The following PCDHGA6 variants were observed in gnomAD, a reference collection of about 807,000 sequenced individuals.
PCDHGA6 encodes protocadherin gamma subfamily A, 6.
PCDHGA6 carries 41 observed loss-of-function variants against 60.6 expected under a neutral mutation model. The observed-to-expected ratio is 0.68, with a 90% CI of 0.53 to 0.88. PCDHGA6 has a LOEUF of 0.88. PCDHGA6 is among the 40% of genes least tolerant of loss of function. The pLI, the probability that PCDHGA6 is intolerant of heterozygous loss-of-function variation, is 0.00. For synonymous variants in PCDHGA6, 594 were observed against 524.4 expected (o/e 1.13, Z -1.81); for missense variants, 1,312 against 1,203.0 (o/e 1.09, Z -1.34).
intron 1 of PCDHGA6, chr5:141,409,635 AC>A: frequency 6.2e-7 from 1 of 1,613,784 alleles, no homozygotes; most frequent in Non-Finnish European, 8.5e-7. Context: ...AGCGCCTCTG[AC>A]CCGGATTTGG....
chr5:141,423,758 G>C lies in PCDHGA6; in HGVS notation c.2424+47251G>C, dbSNP rs1192987646. 54 of 366,760 alleles carry C rather than the reference G, an allele frequency of 1.5e-4. 3 individuals carry two copies. The highest frequency in any genetic ancestry group is 1.4e-4 in the Non-Finnish European group (36 of 259,732). 22.7% of individuals were successfully genotyped at this position (366,760 alleles called of 1,614,324 possible). A position where few individuals can be genotyped will look rare whatever the true frequency, so the allele number is the denominator to read the frequency against. Reference sequence around the variant, plus strand: ...CTGTTATGAAAACTGTTTGGGGGGGGGGTGGGGCGGCATATATTTAGTTCA... The same window carrying C: ...CTGTTATGAAAACTGTTTGGGGGGGCGGTGGGGCGGCATATATTTAGTTCA... On this transcript the variant is annotated intron_variant, in intron 1 of 3. Transcript: ENST00000517434.
At chr5:141,500,340 C>A (rs188966393) in intron 2 of PCDHGA6, among the ~76,000 whole-genome samples, 92 of 152,066 alleles carry the variant, frequency 6.0e-4, no homozygotes, top group African/African-American at 2.1e-3. Flanking sequence ...TCCAGAATAG[C>A]TGGGACTACA....
chr5:141,409,900 T>G (rs756245078), intron 1 of PCDHGA6: 1 of 1,613,144 alleles, frequency 6.2e-7, no homozygotes, highest in Non-Finnish European at 8.5e-7. Flanking sequence ...TGTACCCAGC[T>G]CTGGGTCCTG....
rs1434083091 is a variant in PCDHGA6 at position 141,450,833 on chromosome 5, T to TA, written c.2425-43974_2425-43973insA. 6.4e-3 allele frequency among the ~76,000 whole-genome samples: 943 copies of TA among 147,260 alleles called. 6 individuals carry two copies. The highest frequency in any genetic ancestry group is 0.014 in the Middle Eastern group (4 of 276). ...TTATTTAATATTATTATTATTATTT[T>TA]TTTTTTTTTGAGATGGGGTCTTGCT... is the stretch of plus-strand genomic sequence containing the variant. On this transcript the variant is annotated intron_variant, in intron 1 of 3. Coordinates refer to ENST00000517434, the MANE Select transcript of PCDHGA6 (RefSeq NM_018919.3).
Position 141,383,049 on chromosome 5 carries a change from G to C in PCDHGA6, c.2424+6542G>C, listed in dbSNP as rs779106714. 2.0e-5 allele frequency: 32 copies of C among 1,613,788 alleles called. No homozygotes were observed. Among genetic ancestry groups the C allele is most frequent in the Non-Finnish European group, 2.7e-5 (32 of 1,179,922 alleles). ...GGTCCTTTGTGGGAGACATCGCCAAGGACCTGGGGCTGGAGCCCCGGGAGC... is the reference window on the plus strand; with the variant it reads ...GGTCCTTTGTGGGAGACATCGCCAACGACCTGGGGCTGGAGCCCCGGGAGC... On this transcript the variant is annotated intron_variant, in intron 1 of 3. Coordinates refer to ENST00000517434, the MANE Select transcript of PCDHGA6 (RefSeq NM_018919.3).
At chr5:141,464,279 C>CAA (rs373828487) in intron 1 of PCDHGA6, among the ~76,000 whole-genome samples, 8,568 of 137,664 alleles carry the variant, frequency 0.062, 499 homozygotes, top group African/African-American at 0.16. Context: ...AAAAAAAAAG[C>CAA]AAAAAAAAAA....
At chr5:141,494,648 T>G in intron 1 of PCDHGA6, 159 bp from the exon 2 acceptor site, 1 of 946,506 alleles carries the variant, frequency 1.1e-6, no homozygotes, top group Non-Finnish European at 1.3e-6. Flanking sequence ...ACCTGAGGTG[T>G]ATTTTGTCTT....
At position 141,375,276 on chromosome 5, in the gene PCDHGA6, T is replaced by C. The variant is rs763492378; in HGVS notation, c.1193T>C (p.Val398Ala). The change falls in exon 1 of 4, where the codon GTT (valine) becomes GCT (alanine). Residue 398 changes from valine to alanine, a missense_variant. Physicochemically the swap from Val to Ala is moderately conservative, Grantham distance 64. Transcript: ENST00000517434. ...RSLPFELEKSVGNYYRLVTNA... is the reference protein window; with the variant it reads ...RSLPFELEKSAGNYYRLVTNA... The stretch of plus-strand genomic sequence containing the variant: ...CTCCCATTTGAATTGGAAAAATCAG[T>C]TGGCAATTATTATCGATTAGTGACA... 10 of 1,613,700 alleles carry C rather than the reference T, an allele frequency of 6.2e-6. No homozygotes were observed. The Admixed American group carries it at 1.3e-4, about 22-fold the overall frequency.
At position 141,490,406 on chromosome 5, in the gene PCDHGA6, T is replaced by G; in HGVS notation, c.2425-4401T>G. On this transcript the variant is annotated intron_variant, in intron 1 of 3. Transcript: ENST00000517434. This position sits in a 1 kb window ranked among gnomAD's most constrained non-coding sequence, Gnocchi z 5.4. ...AGAAATGGTGAAGTGAGCCTTGATA[T>G]CTCTCCGGACCTGCCATTTCAGATT... is the stretch of plus-strand genomic sequence containing the variant. The G allele has an allele frequency of 1.9e-6, 3 of 1,614,112 alleles. No individual in the cohort carries two copies. Among genetic ancestry groups the G allele is most frequent in the Non-Finnish European group, 2.5e-6 (3 of 1,180,020 alleles).
Position 141,376,010 on chromosome 5 carries a change from G to A in PCDHGA6, c.1927G>A (p.Val643Met), listed in dbSNP as rs1479116283. ...LDRDALKQSL[V>M]VAVQDHGQPP... ...CAGAGACGCGCTCAAGCAGAGCCTAGTGGTGGCCGTCCAGGACCACGGCCA... is the reference window on the plus strand; with the variant it reads ...CAGAGACGCGCTCAAGCAGAGCCTAATGGTGGCCGTCCAGGACCACGGCCA... The change falls in exon 1 of 4, where the codon GTG (valine) becomes ATG (methionine). Residue 643 changes from valine to methionine, a missense_variant. Val to Met is a conservative substitution (Grantham distance 21, BLOSUM62 1). Transcript: ENST00000517434. The A allele has an allele frequency of 2.5e-6, 4 of 1,613,424 alleles. No homozygotes were observed. Among genetic ancestry groups the A allele is most frequent in the Middle Eastern group, 1.7e-4 (1 of 5,802 alleles).
In PCDHGA6 at chr5:141,389,591, C is replaced by G. The variant is rs533336501; in HGVS notation, c.2424+13084C>G. ...TGTACCCCGCGCTGGGTCCCGACGG[C>G]TCTGCGCTCTTCGATATGGTGCCGC... On this transcript the variant is annotated intron_variant, in intron 1 of 3. Transcript: ENST00000517434. 2.1e-5 allele frequency: 34 copies of G among 1,613,176 alleles called. No homozygotes were observed. The African/African-American group carries it at 2.1e-4, about 10-fold the overall frequency.
intron 1 of PCDHGA6, chr5:141,442,112 C>CTCG (rs2098300474): frequency 6.0e-6 from 1 of 166,158 alleles, no homozygotes; most frequent in Admixed American, 6.5e-5. Context: ...ACTACCGCCC[C>CTCG]TCGTCGCCGA....
rs774271747 is a variant in PCDHGA6 at position 141,485,866 on chromosome 5, C to A, written c.2425-8941C>A. On this transcript the variant is annotated intron_variant, in intron 1 of 3. Coordinates refer to ENST00000517434, the MANE Select transcript of PCDHGA6 (RefSeq NM_018919.3). The surrounding 1 kb of genome is among the most constrained non-coding windows in gnomAD (Gnocchi z 5.7). Reference sequence around the variant, plus strand: ...CTGGCACCGCAGAGCTCCGGGTATCCGTGCTGGACGTAAACGACAACGCCC... The same window carrying A: ...CTGGCACCGCAGAGCTCCGGGTATCAGTGCTGGACGTAAACGACAACGCCC... 2 of 1,614,144 alleles carry A rather than the reference C, an allele frequency of 1.2e-6. No homozygotes were observed. Among genetic ancestry groups the A allele is most frequent in the South Asian group, 1.1e-5 (1 of 91,074 alleles).
intron 1 of PCDHGA6, among the ~76,000 whole-genome samples, chr5:141,439,251 A>G (rs1467023466): frequency 6.6e-6 from 1 of 152,112 alleles, no homozygotes; most frequent in Non-Finnish European, 1.5e-5. Context: ...ATTTCAGCTG[A>G]AGATTCAGCC....
intron 1 of PCDHGA6, chr5:141,412,947 C>A (rs930035804): frequency 2.1e-6 from 1 of 474,890 alleles, no homozygotes; most frequent in African/African-American, 2.0e-5. Flanking sequence ...CTCTGAGCGC[C>A]GCTGTTCACC....
chr5:141,438,764 C>T (rs963627140), intron 1 of PCDHGA6, among the ~76,000 whole-genome samples: 38 of 148,736 alleles, frequency 2.6e-4, no homozygotes, highest in African/African-American at 9.4e-4. Context: ...TGGGTTCAAG[C>T]GATTCTCCTG....
At chr5:141,429,559 A>G (rs2097222911) in intron 1 of PCDHGA6, among the ~76,000 whole-genome samples, 2 of 152,146 alleles carry the variant, frequency 1.3e-5, no homozygotes, top group Admixed American at 6.5e-5. Context: ...TGATTTGATA[A>G]TATTCAGTTA....
intron 1 of PCDHGA6, chr5:141,410,046 G>T: frequency 6.2e-7 from 1 of 1,613,174 alleles, no homozygotes; most frequent in Non-Finnish European, 8.5e-7. Context: ...AGTGAGCCCG[G>T]ACTCTTCAGC....
intron 2 of PCDHGA6, among the ~76,000 whole-genome samples, chr5:141,500,180 TTA>T (rs2099797073): frequency 7.1e-6 from 1 of 140,608 alleles, no homozygotes; most frequent in African/African-American, 2.8e-5. Flanking sequence ...AGCTTCATTT[TTA>T]TTTTTATTTA....
Sources: gnomAD v4.1 joint callset for allele counts (sites outside exome capture counted in the v4.1 genomes callset) on GRCh38, gnomAD v4.1.1 for gene constraint, Gnocchi (gnomAD v3.1) non-coding constraint, MANE v1.5 for transcripts, NCBI Gene and HGNC (gene_info 2026-07-23, HGNC 2026-07-21) for gene names.